CCBE1: variants seen among roughly 807,000 people sequenced by gnomAD.
CCBE1 encodes collagen and calcium-binding EGF domain-containing protein 1.
In CCBE1, 37 loss-of-function variants were observed where a neutral mutation model predicts 50.0. That is an observed-to-expected ratio of 0.74 (90% CI 0.57 to 0.97). The LOEUF is 0.97. Ranked by LOEUF, CCBE1 falls within the 50% of genes least tolerant of loss-of-function variation. The pLI, the probability that CCBE1 is intolerant of heterozygous loss-of-function variation, is 0.00. For synonymous variants in CCBE1, 234 were observed against 203.7 expected, an observed-to-expected ratio of 1.15 and a Z score of -1.27; for missense variants, 538 against 523.8, an observed-to-expected ratio of 1.03 and a Z score of -0.26.
chr18:59,616,122 G>A (rs2053633671), intron 2 of CCBE1, among the ~76,000 whole-genome samples: 1 of 152,176 alleles, frequency 6.6e-6, no homozygotes, highest in Admixed American at 6.5e-5. Context: ...GGGTTAGAGG[G>A]AAATGGGCTC....
At chr18:59,521,803 T>C (rs1914610621) in intron 2 of CCBE1, among the ~76,000 whole-genome samples, 3 of 152,236 alleles carry the variant, frequency 2.0e-5, no homozygotes, top group South Asian at 4.1e-4. Context: ...GAGAAATTCA[T>C]TGAACTTGGT....
chr18:59,570,398 A>G (rs1416050214), intron 2 of CCBE1, among the ~76,000 whole-genome samples: 1 of 152,208 alleles, frequency 6.6e-6, no homozygotes, highest in African/African-American at 2.4e-5. Flanking sequence ...GCCAGGCCTC[A>G]AAGCCAGTAC....
intron 2 of CCBE1, among the ~76,000 whole-genome samples, chr18:59,559,823 T>C (rs938176730): frequency 3.3e-5 from 5 of 152,206 alleles, no homozygotes; most frequent in African/African-American, 1.2e-4. Context: ...TGCATGTCTC[T>C]CCCATGCCTG....
At chr18:59,562,616 G>A (rs974748083) in intron 2 of CCBE1, among the ~76,000 whole-genome samples, 9 of 152,160 alleles carry the variant, frequency 5.9e-5, no homozygotes, top group Admixed American at 6.5e-5. Flanking sequence ...CGTTCTGGCC[G>A]GAATCCAGGT....
chr18:59,560,628 T>A (rs1046653529), intron 2 of CCBE1, among the ~76,000 whole-genome samples: 5 of 152,036 alleles, frequency 3.3e-5, no homozygotes, highest in African/African-American at 9.7e-5. Context: ...AAGACCTACA[T>A]GGGATTAAAC....
Position 59,521,850 on chromosome 18 carries a change from T to C in CCBE1, c.213-41612A>G, listed in dbSNP as rs564935008. On this transcript the variant is annotated intron_variant, in intron 2 of 10. Transcript: ENST00000439986. The stretch of plus-strand genomic sequence containing the variant: ...AAAAAGTTTAGTCATACTTATTTTC[T>C]AAATAATAAACTATACTTTGGTTGG... Among the ~76,000 whole-genome samples the C allele has an allele frequency of 2.0e-3, 300 of 152,362 alleles. 6 individuals are homozygous for C. The highest frequency in any genetic ancestry group is 3.7e-3 in the Non-Finnish European group (251 of 68,030).
intron 2 of CCBE1, among the ~76,000 whole-genome samples, chr18:59,570,262 A>G (rs1465518830): frequency 2.6e-5 from 4 of 152,174 alleles, no homozygotes. Context: ...AGCACAACCC[A>G]CAAGGGAGAG....
At chr18:59,455,863 C>T (rs142445430) in intron 5 of CCBE1, among the ~76,000 whole-genome samples, 9 of 152,242 alleles carry the variant, frequency 5.9e-5, no homozygotes, top group South Asian at 2.1e-4. Flanking sequence ...AAACTCTCTT[C>T]GCTTAGCAGC....
At chr18:59,543,871 A>C (rs1225555204) in intron 2 of CCBE1, among the ~76,000 whole-genome samples, 1 of 151,424 alleles carries the variant, frequency 6.6e-6, no homozygotes, top group Non-Finnish European at 1.5e-5. Flanking sequence ...GAAAACACTA[A>C]TGCGAGAATC....
At position 59,601,036 on chromosome 18, in the gene CCBE1, T is replaced by G. The variant is rs1393831193; in HGVS notation, c.212+95593A>C. Among the ~76,000 whole-genome samples, 8 of 103,368 alleles carry G rather than the reference T, an allele frequency of 7.7e-5. No homozygotes were observed. The South Asian group carries it at 1.0e-3, about 13-fold the overall frequency. The allele number at this position is 103,368 out of a possible 152,430, so 67.8% of individuals were successfully genotyped here. A position where few individuals can be genotyped will look rare whatever the true frequency, so the allele number is the denominator to read the frequency against. On this transcript the variant is annotated intron_variant, in intron 2 of 10. Coordinates refer to ENST00000439986, the MANE Select transcript of CCBE1 (RefSeq NM_133459.4). ...TTTTTTTTTTTTTTTTTTTTTTTTTTTTTTTTTTTTTGTAAGACAGGGTCT... is the reference window on the plus strand; with the variant it reads ...TTTTTTTTTTTTTTTTTTTTTTTTTGTTTTTTTTTTTGTAAGACAGGGTCT...
chr18:59,560,437 C>T (rs753991408), intron 2 of CCBE1, among the ~76,000 whole-genome samples: 48 of 152,054 alleles, frequency 3.2e-4, no homozygotes, highest in Admixed American at 9.2e-4. Context: ...CATCACACAC[C>T]GGGGCCTGTC....
At chr18:59,594,874 G>A (rs1182046557) in intron 2 of CCBE1, among the ~76,000 whole-genome samples, 3 of 152,054 alleles carry the variant, frequency 2.0e-5, no homozygotes, top group Admixed American at 6.6e-5. Flanking sequence ...AGCACTTTGG[G>A]AGGCCGAGGA....
chr18:59,693,695 C>T (rs148650319), intron 2 of CCBE1, among the ~76,000 whole-genome samples: 72 of 152,040 alleles, frequency 4.7e-4, no homozygotes, highest in Middle Eastern at 3.4e-3. Context: ...TGTATTTTAT[C>T]GTTTTATACT....
chr18:59,480,170 T>C lies in CCBE1; in HGVS notation c.265+16A>G. The stretch of plus-strand genomic sequence containing the variant: ...TTGTGAATAAAGTCAGACAATATCT[T>C]TTTTATATTACATACCTTCTGGGAT... On this transcript the variant is annotated intron_variant, in intron 3 of 10. Transcript: ENST00000439986. The C allele has an allele frequency of 6.5e-7, 1 of 1,533,352 alleles. No individual in the cohort carries two copies. 95.0% of individuals were successfully genotyped at this position (1,533,352 alleles called of 1,614,324 possible). A position where few individuals can be genotyped will look rare whatever the true frequency, so the allele number is the denominator to read the frequency against.
At chr18:59,493,447 G>T (rs917006495) in intron 2 of CCBE1, among the ~76,000 whole-genome samples, 3 of 152,128 alleles carry the variant, frequency 2.0e-5, no homozygotes, top group African/African-American at 7.2e-5. Context: ...TTTCTATTCC[G>T]ATCAGTTAAA....
intron 2 of CCBE1, among the ~76,000 whole-genome samples, chr18:59,664,155 G>A (rs781036655): frequency 5.9e-5 from 9 of 152,058 alleles, no homozygotes; most frequent in African/African-American, 9.7e-5. Flanking sequence ...ATCTTCACAC[G>A]GAAGGACAAG....
At chr18:59,492,499 C>A (rs1913158198) in intron 2 of CCBE1, among the ~76,000 whole-genome samples, 1 of 152,144 alleles carries the variant, frequency 6.6e-6, no homozygotes. Flanking sequence ...CCAGGCAGTG[C>A]CCTTAAACAG....
Position 59,697,357 on chromosome 18 carries a change from G to C in CCBE1, c.-15C>G, listed in dbSNP as rs1235444501. 6.5e-6 allele frequency: 10 copies of C among 1,544,466 alleles called. No homozygotes were observed. In the Admixed American group the frequency reaches 2.0e-4, roughly 30 times the overall value. ...GGCGGCACCATCAGGGAAGCTCCCG[G>C]CTTCTTCCCAGCGCCGAGCTCCGTC... is the stretch of plus-strand genomic sequence containing the variant. On this transcript the variant is annotated 5_prime_UTR_variant, in exon 1 of 11. Transcript: ENST00000439986.
chr18:59,479,649 G>C (rs1912472592), intron 3 of CCBE1, among the ~76,000 whole-genome samples: 1 of 152,228 alleles, frequency 6.6e-6, no homozygotes. Flanking sequence ...ATAGAAGCAT[G>C]ATTAAAATCT....
Sources: allele counts gnomAD v4.1 joint callset (sites outside exome capture counted in the v4.1 genomes callset), GRCh38; gene constraint gnomAD v4.1.1; transcripts MANE v1.5; gene names NCBI Gene and HGNC (gene_info 2026-07-23, HGNC 2026-07-21).